The following ASIC2 variants were observed in gnomAD, a reference collection of about 807,000 sequenced individuals.
ASIC2 encodes acid sensing ion channel subunit 2.
ASIC2 carries 25 observed loss-of-function variants against 57.3 expected under a neutral mutation model. The observed-to-expected ratio is 0.44, with a 90% CI of 0.32 to 0.61. The LOEUF is 0.61. ASIC2 is among the 20% of genes least tolerant of loss of function. The pLI, the probability that ASIC2 is intolerant of heterozygous loss-of-function variation, is 0.06. For missense variants in ASIC2, 641 were observed against 738.1 expected (o/e 0.87, Z 1.52); for synonymous variants, 319 against 307.5 (o/e 1.04, Z -0.39).
intron 1 of ASIC2, among the ~76,000 whole-genome samples, chr17:33,193,996 T>A (rs1049354192): frequency 3.9e-5 from 6 of 152,068 alleles, no homozygotes; most frequent in Admixed American, 3.3e-4. Context: ...CTGGGGAGCC[T>A]ACCCTAAGAC....
At chr17:34,101,713 A>G (rs933874544) in intron 1 of ASIC2, among the ~76,000 whole-genome samples, 1 of 152,198 alleles carries the variant, frequency 6.6e-6, no homozygotes, top group Non-Finnish European at 1.5e-5. Context: ...AACAATATGT[A>G]AGTCTCCGTA....
At chr17:34,030,920 G>C (rs1258041450) in intron 1 of ASIC2, among the ~76,000 whole-genome samples, 1 of 152,250 alleles carries the variant, frequency 6.6e-6, no homozygotes, top group Non-Finnish European at 1.5e-5. Context: ...GCCTCTGTAG[G>C]CTCCACCTCT....
At chr17:34,132,966 C>T (rs530731901) in intron 1 of ASIC2, among the ~76,000 whole-genome samples, 32 of 152,272 alleles carry the variant, frequency 2.1e-4, no homozygotes, top group African/African-American at 6.0e-4. Context: ...TAACCCATCG[C>T]GGCCTGTTTG....
intron 1 of ASIC2, among the ~76,000 whole-genome samples, chr17:33,200,597 A>G (rs1906819686): frequency 6.6e-6 from 1 of 152,174 alleles, no homozygotes; most frequent in Non-Finnish European, 1.5e-5. Flanking sequence ...CTTACATCCT[A>G]TATCTGGTCT....
chr17:33,623,240 TTTTTTGTTTG>T (rs58602198), intron 1 of ASIC2, among the ~76,000 whole-genome samples: 18,131 of 144,936 alleles, frequency 0.13, 1,422 homozygotes, highest in African/African-American at 0.22. Flanking sequence ...GATATCGTTT[TTTTTTGTTTG>T]TTTGTTTGTT....
At chr17:34,045,441 G>A (rs537919312) in intron 1 of ASIC2, among the ~76,000 whole-genome samples, 10 of 152,304 alleles carry the variant, frequency 6.6e-5, no homozygotes, top group Non-Finnish European at 1.2e-4. Context: ...TCTACCTGCT[G>A]AGACTATACC....
chr17:33,246,168 G>A (rs1908682513), intron 1 of ASIC2, among the ~76,000 whole-genome samples: 1 of 152,034 alleles, frequency 6.6e-6, no homozygotes, highest in South Asian at 2.1e-4. Context: ...AGGTCTGTGG[G>A]TTCAGAATAG....
At chr17:33,920,877 G>T (rs1597930408) in intron 1 of ASIC2, among the ~76,000 whole-genome samples, 1 of 152,220 alleles carries the variant, frequency 6.6e-6, no homozygotes, top group African/African-American at 2.4e-5. Context: ...GTTTCACCTT[G>T]CATGTTTCCA....
chr17:33,065,025 G>C (rs1414604399), intron 3 of ASIC2, among the ~76,000 whole-genome samples: 1 of 152,134 alleles, frequency 6.6e-6, no homozygotes, highest in Non-Finnish European at 1.5e-5. Context: ...TTTGTGGCTT[G>C]GGGAAGGTCA....
intron 1 of ASIC2, among the ~76,000 whole-genome samples, chr17:33,988,071 C>T (rs1174473829): frequency 6.6e-6 from 1 of 152,112 alleles, no homozygotes; most frequent in Non-Finnish European, 1.5e-5. Flanking sequence ...AGTAAGAGTG[C>T]ATTAGGCTAG....
chr17:33,361,923 T>C (rs942237999), intron 1 of ASIC2, among the ~76,000 whole-genome samples: 1 of 152,238 alleles, frequency 6.6e-6, no homozygotes, highest in Non-Finnish European at 1.5e-5. Flanking sequence ...CTCTCCTCCT[T>C]GACCTTCGCT....
chr17:33,108,901 G>GCAAAATT (rs1315052225), intron 2 of ASIC2, among the ~76,000 whole-genome samples: 1 of 145,368 alleles, frequency 6.9e-6, no homozygotes, highest in Non-Finnish European at 1.5e-5. Context: ...GGAGGTGGCT[G>GCAAAATT]CAAAAGCCAA....
chr17:33,486,061 C>T (rs1007100819), intron 1 of ASIC2, among the ~76,000 whole-genome samples: 3 of 152,208 alleles, frequency 2.0e-5, no homozygotes, highest in African/African-American at 7.2e-5. Context: ...TCCCCTCTCT[C>T]CCTTCCTGAT....
chr17:33,035,623 C>A (rs774364921), intron 3 of ASIC2, among the ~76,000 whole-genome samples: 2 of 152,174 alleles, frequency 1.3e-5, no homozygotes, highest in Non-Finnish European at 2.9e-5. Context: ...TCCTAAGGAA[C>A]AACACTTCTG....
At chr17:34,108,796 T>C (rs1207300973) in intron 1 of ASIC2, among the ~76,000 whole-genome samples, 3 of 152,146 alleles carry the variant, frequency 2.0e-5, no homozygotes, top group Non-Finnish European at 4.4e-5. Context: ...TCGTTATATT[T>C]TGAAACTCTG....
chr17:33,399,809 G>GT (rs2141957879), intron 1 of ASIC2, among the ~76,000 whole-genome samples: 1 of 152,302 alleles, frequency 6.6e-6, no homozygotes, highest in South Asian at 2.1e-4. Context: ...GTGCACCATG[G>GT]TAGTGGTGGG....
chr17:33,343,624 G>A (rs143165261), intron 1 of ASIC2, among the ~76,000 whole-genome samples: 325 of 152,224 alleles, frequency 2.1e-3, no homozygotes, highest in Middle Eastern at 0.014. Context: ...GGGTTGACAT[G>A]GCTTTGGGTA....
At position 33,620,809 on chromosome 17, in the gene ASIC2, A is replaced by G. The variant is rs144610370; in HGVS notation, c.556-508742T>C. Reference sequence around the variant, plus strand: ...GTGCCTTGAATTTCTTCTTCAATTAATTTTTACCTTTTATCCATCTTGTGA... The same window carrying G: ...GTGCCTTGAATTTCTTCTTCAATTAGTTTTTACCTTTTATCCATCTTGTGA... On this transcript the variant is annotated intron_variant, in intron 1 of 9. Coordinates refer to the ASIC2 transcript ENST00000359872. Among the ~76,000 whole-genome samples, 1,164 of 152,090 alleles carry G rather than the reference A, an allele frequency of 7.7e-3. 25 individuals carry two copies. The highest frequency in any genetic ancestry group is 0.027 in the African/African-American group (1,123 of 41,490).
Position 33,986,812 on chromosome 17 carries a change from G to A in ASIC2, c.555+169166C>T, listed in dbSNP as rs12952371. ...TCTCAGGGAGATTAAGTAGCTTACA[G>A]AGCTGGGATTTGGATAAAGGTCTGC... On this transcript the variant is annotated intron_variant, in intron 1 of 9. Coordinates refer to the ASIC2 transcript ENST00000359872. Among the ~76,000 whole-genome samples, 1,022 of 152,228 alleles carry A rather than the reference G, an allele frequency of 6.7e-3. 16 individuals are homozygous for A. The highest frequency in any genetic ancestry group is 0.023 in the African/African-American group (967 of 41,530).
Sources: allele counts gnomAD v4.1 joint callset (sites outside exome capture counted in the v4.1 genomes callset), GRCh38; gene constraint gnomAD v4.1.1; transcripts MANE v1.5; gene names NCBI Gene and HGNC (gene_info 2026-07-23, HGNC 2026-07-21).